CARNMT1: variants seen among roughly 807,000 people sequenced by gnomAD.
CARNMT1 encodes the protein protein-L-histidine N-pros-methyltransferase CARNMT1.
A neutral mutation model predicts 49.6 loss-of-function variants in CARNMT1; 28 were observed. The observed-to-expected ratio is 0.56, with a 90% CI of 0.42 to 0.77. CARNMT1 has a LOEUF of 0.77. CARNMT1 is among the 30% of genes least tolerant of loss of function. CARNMT1 has a pLI of 0.00. For missense variants in CARNMT1, 421 were observed against 512.6 expected (o/e 0.82, Z 1.73); for synonymous variants, 178 against 175.0 (o/e 1.02, Z -0.13).
intron 1 of CARNMT1, among the ~76,000 whole-genome samples, chr9:75,024,277 C>T (rs1462400945): frequency 1.3e-5 from 2 of 152,200 alleles, no homozygotes; most frequent in African/African-American, 2.4e-5. Context: ...ACTAGTATAA[C>T]TCCTCATTAA....
chr9:74,999,625 T>C (rs760958640), intron 4 of CARNMT1, 105 bp downstream of exon 4: 23 of 919,320 alleles, frequency 2.5e-5, no homozygotes, highest in Non-Finnish European at 3.6e-5. Context: ...TATATAATAA[T>C]CAAATGCTAT....
chr9:75,018,916 G>A (rs1269996526), intron 1 of CARNMT1, among the ~76,000 whole-genome samples: 5 of 149,214 alleles, frequency 3.4e-5, no homozygotes, highest in South Asian at 2.1e-4. Flanking sequence ...GCAGTGAGCC[G>A]AGATTGCACC....
At chr9:74,990,606 T>C (rs1297084352) in intron 6 of CARNMT1, among the ~76,000 whole-genome samples, 1 of 152,214 alleles carries the variant, frequency 6.6e-6, no homozygotes, top group African/African-American at 2.4e-5. Flanking sequence ...CAAAAAGGCC[T>C]AGACAAAATA....
At chr9:75,023,268 C>T (rs186695986) in intron 1 of CARNMT1, among the ~76,000 whole-genome samples, 2 of 152,286 alleles carry the variant, frequency 1.3e-5, no homozygotes, top group Admixed American at 6.5e-5. Context: ...TCCTGCCCCA[C>T]CTCTAATCAG....
chr9:75,021,479 T>C (rs1032132664), intron 1 of CARNMT1, among the ~76,000 whole-genome samples: 1 of 146,766 alleles, frequency 6.8e-6, no homozygotes, highest in African/African-American at 2.5e-5. Context: ...ATATACTATA[T>C]ATATATATCT....
intron 3 of CARNMT1, among the ~76,000 whole-genome samples, chr9:75,012,342 A>T (rs1833718691): frequency 6.8e-6 from 1 of 146,998 alleles, no homozygotes; most frequent in Admixed American, 6.9e-5. Flanking sequence ...GCTGGAGTTC[A>T]GTGGCATGAT....
At chr9:75,014,016 TACTTA>T (rs1447456637) in intron 3 of CARNMT1, among the ~76,000 whole-genome samples, 2 of 104,232 alleles carry the variant, frequency 1.9e-5, no homozygotes, top group South Asian at 3.2e-4. Flanking sequence ...CACATCCACT[TACTTA>T]AAAAAAAAAA....
intron 1 of CARNMT1, among the ~76,000 whole-genome samples, chr9:75,024,526 T>C (rs555713499): frequency 5.3e-5 from 8 of 152,354 alleles, no homozygotes; most frequent in African/African-American, 1.9e-4. Context: ...AGGTGCTTCA[T>C]TCGTAACAAG....
At chr9:75,018,844 G>A (rs940461000) in intron 1 of CARNMT1, among the ~76,000 whole-genome samples, 1 of 152,022 alleles carries the variant, frequency 6.6e-6, no homozygotes, top group African/African-American at 2.4e-5. Context: ...GCGCCCACCA[G>A]TAATCCCAGC....
At chr9:75,024,805 C>T (rs190192950) in intron 1 of CARNMT1, among the ~76,000 whole-genome samples, 2 of 152,280 alleles carry the variant, frequency 1.3e-5, no homozygotes, top group Non-Finnish European at 2.9e-5. Flanking sequence ...TGGGTTGGGG[C>T]ACCAACCCCC....
At chr9:74,984,612 C>T (rs1242730718) in intron 7 of CARNMT1, among the ~76,000 whole-genome samples, 3 of 152,114 alleles carry the variant, frequency 2.0e-5, no homozygotes, top group Non-Finnish European at 4.4e-5. Flanking sequence ...ATCAAATTAC[C>T]TTCGGGCTAT....
At chr9:75,025,356 A>T (rs1339704691) in intron 1 of CARNMT1, among the ~76,000 whole-genome samples, 1 of 152,248 alleles carries the variant, frequency 6.6e-6, no homozygotes, top group Non-Finnish European at 1.5e-5. Context: ...TTACTGCAAA[A>T]GCAACAGGAA....
chr9:74,992,942 A>G (rs939782067), intron 6 of CARNMT1, among the ~76,000 whole-genome samples: 2 of 152,240 alleles, frequency 1.3e-5, no homozygotes, highest in African/African-American at 4.8e-5. Flanking sequence ...CTCCAGGTCT[A>G]TATAATTAAA....
At chr9:75,005,873 C>CACACAA (rs1491304654) in intron 3 of CARNMT1, among the ~76,000 whole-genome samples, 3 of 132,230 alleles carry the variant, frequency 2.3e-5, no homozygotes, top group African/African-American at 5.9e-5. Flanking sequence ...CACACACACA[C>CACACAA]AATAAAAGGC....
intron 3 of CARNMT1, among the ~76,000 whole-genome samples, chr9:75,013,364 T>C (rs1323590121): frequency 6.6e-6 from 1 of 152,178 alleles, no homozygotes; most frequent in Non-Finnish European, 1.5e-5. Flanking sequence ...ATATTATGGA[T>C]TTTTTAAAAG....
In CARNMT1 at chr9:74,983,849, A is replaced by C. The variant is rs768644505; in HGVS notation, c.1148T>G (p.Leu383Trp). ...GAGATCATTCACAGTATATGTTGAC[A>C]ATACAGATTCTTTTTCCACCTGCAA... Reference protein sequence around the residue: ...FKVEVEKESVLSTYTVNDLSM... With the variant: ...FKVEVEKESVWSTYTVNDLSM... The change falls in exon 8 of 8, where the codon TTG (leucine) becomes TGG (tryptophan). Residue 383 changes from leucine (L) to tryptophan (W), a missense_variant. Physicochemically the swap from Leu to Trp is moderately conservative, Grantham distance 61. Transcript: ENST00000376834. 20 of 1,598,170 alleles carry C rather than the reference A, an allele frequency of 1.3e-5. 1 individual carries two copies. Among genetic ancestry groups the C allele is most frequent in the South Asian group, 1.2e-4 (11 of 88,388 alleles).
At chr9:74,989,258 A>G (rs1293816675) in intron 6 of CARNMT1, among the ~76,000 whole-genome samples, 1 of 152,030 alleles carries the variant, frequency 6.6e-6, no homozygotes, top group Non-Finnish European at 1.5e-5. Flanking sequence ...CTACAGGCAC[A>G]GGCCACTACA....
chr9:75,027,867 G>C (rs563760841), intron 1 of CARNMT1, 145 bp downstream of exon 1: 20 of 912,700 alleles, frequency 2.2e-5, no homozygotes, highest in Non-Finnish European at 2.6e-5. Context: ...GAGGTGACTC[G>C]GGGCCCGGAG....
At chr9:75,006,628 A>T (rs1200159074) in intron 3 of CARNMT1, among the ~76,000 whole-genome samples, 4 of 152,234 alleles carry the variant, frequency 2.6e-5, no homozygotes, top group African/African-American at 9.6e-5. Flanking sequence ...TACTTTCAGG[A>T]AAGGAAACTG....
Sources: allele counts gnomAD v4.1 joint callset (sites outside exome capture counted in the v4.1 genomes callset), GRCh38; gene constraint gnomAD v4.1.1; transcripts MANE v1.5; gene names NCBI Gene and HGNC (gene_info 2026-07-23, HGNC 2026-07-21).